The following TENM4 variants were observed in gnomAD, a reference collection of about 807,000 sequenced individuals.
The protein encoded by TENM4 is teneurin-4.
A neutral mutation model predicts 243.3 loss-of-function variants in TENM4; 82 were observed. That is an observed-to-expected ratio of 0.34 (90% CI 0.28 to 0.40). The LOEUF (loss-of-function observed/expected upper bound fraction) is 0.40, where lower values mean the gene tolerates loss of function less well. Ranked by LOEUF, TENM4 falls within the 10% of genes least tolerant of loss-of-function variation. TENM4 has a pLI of 1.00. For missense variants in TENM4, 3,138 were observed against 3,673.3 expected, an observed-to-expected ratio of 0.85 and a Z score of 3.77; for synonymous variants, 1,412 against 1,456.3, an observed-to-expected ratio of 0.97 and a Z score of 0.69.
intron 6 of TENM4, among the ~76,000 whole-genome samples, chr11:78,980,985 G>A (rs1857779422): frequency 6.6e-6 from 1 of 152,190 alleles, no homozygotes; most frequent in South Asian, 2.1e-4. Flanking sequence ...AGGTGTAGAA[G>A]CTGGATTGGA....
At chr11:78,710,057 G>A (rs1432197778) in intron 26 of TENM4, among the ~76,000 whole-genome samples, 1 of 152,230 alleles carries the variant, frequency 6.6e-6, no homozygotes, top group Admixed American at 6.5e-5. Context: ...TAAAATACAG[G>A]AGATTCTGGT....
At chr11:79,404,080 G>A (rs1301831779) in intron 1 of TENM4, among the ~76,000 whole-genome samples, 4 of 152,198 alleles carry the variant, frequency 2.6e-5, no homozygotes, top group East Asian at 1.9e-4. Flanking sequence ...TTGACCCTCC[G>A]CTGAAGCTGC....
At chr11:79,082,011 G>C (rs989058904) in intron 4 of TENM4, among the ~76,000 whole-genome samples, 1 of 152,118 alleles carries the variant, frequency 6.6e-6, no homozygotes, top group Non-Finnish European at 1.5e-5. Flanking sequence ...TCATCTGTTA[G>C]GAAAATGCCC....
intron 4 of TENM4, among the ~76,000 whole-genome samples, chr11:79,135,653 T>C (rs968044552): frequency 6.6e-6 from 1 of 150,994 alleles, no homozygotes; most frequent in African/African-American, 2.4e-5. Context: ...ACATATCATA[T>C]ATATACACAC....
chr11:78,782,756 A>T, intron 16 of TENM4, among the ~76,000 whole-genome samples: 1 of 136,154 alleles, frequency 7.3e-6, no homozygotes, highest in African/African-American at 2.7e-5. Context: ...ACAGAGTGAG[A>T]CTCTGTCTTT....
chr11:79,266,752 T>C (rs1855890328), intron 2 of TENM4, among the ~76,000 whole-genome samples: 1 of 152,188 alleles, frequency 6.6e-6, no homozygotes. Flanking sequence ...GGCACACTAG[T>C]AGTGACCAAG....
At chr11:79,305,343 A>G (rs1856609424) in intron 1 of TENM4, among the ~76,000 whole-genome samples, 1 of 152,246 alleles carries the variant, frequency 6.6e-6, no homozygotes, top group Non-Finnish European at 1.5e-5. Context: ...GTCAGTCCTT[A>G]AGAATACTCA....
At chr11:78,944,527 C>A (rs144567059) in intron 6 of TENM4, among the ~76,000 whole-genome samples, 2 of 152,188 alleles carry the variant, frequency 1.3e-5, no homozygotes, top group African/African-American at 4.8e-5. Flanking sequence ...TAAGAGACAG[C>A]TTCAAAAGGG....
At chr11:79,339,197 A>C (rs2135457666) in intron 1 of TENM4, among the ~76,000 whole-genome samples, 1 of 152,312 alleles carries the variant, frequency 6.6e-6, no homozygotes, top group Admixed American at 6.5e-5. Context: ...CCAGTGAGAA[A>C]AGAACAACAG....
chr11:79,313,764 C>T (rs571151758), intron 1 of TENM4, among the ~76,000 whole-genome samples: 26 of 152,148 alleles, frequency 1.7e-4, no homozygotes, highest in Non-Finnish European at 3.2e-4. Flanking sequence ...TGTTTCCCTC[C>T]GCAAGCAGGC....
In TENM4 at chr11:79,122,441, T is replaced by C. The variant is rs557349822; in HGVS notation, c.-66+26269A>G. The stretch of plus-strand genomic sequence containing the variant: ...TGGGAACACAAAGCAGGGGGTCTGA[T>C]TGAGTTTAGCAATCAAGGAAGCTGA... On this transcript the variant is annotated intron_variant, in intron 4 of 33. Coordinates refer to ENST00000278550, the MANE Select transcript of TENM4 (RefSeq NM_001098816.3). Among the ~76,000 whole-genome samples, 9 of 152,266 alleles carry C rather than the reference T, an allele frequency of 5.9e-5. No homozygotes were observed. In the East Asian group the frequency reaches 1.5e-3, roughly 26 times the overall value.
intron 30 of TENM4, among the ~76,000 whole-genome samples, chr11:78,674,866 T>C (rs1418691894): frequency 6.6e-6 from 1 of 151,254 alleles, no homozygotes; most frequent in Non-Finnish European, 1.5e-5. Context: ...TGGGCCTATT[T>C]TCTAGTTTTT....
intron 19 of TENM4, among the ~76,000 whole-genome samples, chr11:78,751,762 C>T (rs1856196433): frequency 6.6e-6 from 1 of 152,160 alleles, no homozygotes; most frequent in Non-Finnish European, 1.5e-5. Context: ...GAGTGCTTGC[C>T]CAGGAGATGT....
chr11:79,093,647 G>C (rs546229827), intron 4 of TENM4: 26 of 152,418 alleles, frequency 1.7e-4, no homozygotes, highest in Admixed American at 1.1e-3. Context: ...ACAAAGGAGG[G>C]GGAGGCCCAA....
At chr11:79,043,662 A>G (rs1247133192) in intron 6 of TENM4, among the ~76,000 whole-genome samples, 4 of 152,210 alleles carry the variant, frequency 2.6e-5, no homozygotes, top group African/African-American at 9.7e-5. Context: ...TTTGTCTATA[A>G]TCACTAAAAC....
chr11:79,033,619 G>C (rs1435467), intron 6 of TENM4, among the ~76,000 whole-genome samples: 123,849 of 152,180 alleles, frequency 0.81, 51,841 homozygotes, highest in Non-Finnish European at 0.94. Context: ...CTTTCCAGTG[G>C]GTCAATAAAA....
At chr11:79,121,422 T>C (rs1465304475) in intron 4 of TENM4, among the ~76,000 whole-genome samples, 1 of 152,234 alleles carries the variant, frequency 6.6e-6, no homozygotes, top group Non-Finnish European at 1.5e-5. Context: ...AGGATTTCCT[T>C]GGGAGAAACC....
At chr11:79,424,344 C>T (rs909512831) in intron 1 of TENM4, among the ~76,000 whole-genome samples, 3 of 152,176 alleles carry the variant, frequency 2.0e-5, no homozygotes, top group Non-Finnish European at 4.4e-5. Flanking sequence ...CTCACACCTA[C>T]AATGCCAGCA....
intron 19 of TENM4, among the ~76,000 whole-genome samples, chr11:78,740,022 A>T (rs1427590603): frequency 6.6e-6 from 1 of 152,210 alleles, no homozygotes; most frequent in Non-Finnish European, 1.5e-5. Context: ...GGATCCGCAC[A>T]TTGGGGAGAA....
Sources: gnomAD v4.1 joint callset for allele counts (sites outside exome capture counted in the v4.1 genomes callset) on GRCh38, gnomAD v4.1.1 for gene constraint, MANE v1.5 for transcripts, NCBI Gene and HGNC (gene_info 2026-07-23, HGNC 2026-07-21) for gene names.